SGCZ: variants seen among roughly 807,000 people sequenced by gnomAD.
SGCZ encodes the protein sarcoglycan zeta.
In SGCZ, 40 loss-of-function variants were observed where a neutral mutation model predicts 41.3. That is an observed-to-expected ratio of 0.97 (90% CI 0.75 to 1.26). The LOEUF (loss-of-function observed/expected upper bound fraction) is 1.26, where lower values mean the gene tolerates loss of function less well. Ranked by LOEUF, SGCZ falls within the 50% of genes most tolerant of loss-of-function variation. SGCZ has a pLI of 0.00. For missense variants in SGCZ, 552 were observed against 369.8 expected (o/e 1.49, Z -4.04); for synonymous variants, 206 against 137.5 (o/e 1.50, Z -3.49).
intron 3 of SGCZ, among the ~76,000 whole-genome samples, chr8:14,320,254 A>G (rs1199391463): frequency 2.6e-5 from 4 of 151,722 alleles, no homozygotes; most frequent in Non-Finnish European, 5.9e-5. Flanking sequence ...TGATAATACA[A>G]TGATTATGAA....
chr8:14,153,646 A>G (rs999935463), intron 5 of SGCZ, among the ~76,000 whole-genome samples: 1 of 152,160 alleles, frequency 6.6e-6, no homozygotes, highest in African/African-American at 2.4e-5. Flanking sequence ...TTTGGAATTC[A>G]GCTACTATAA....
intron 2 of SGCZ, among the ~76,000 whole-genome samples, chr8:14,444,978 G>C (rs116183155): frequency 6.6e-6 from 1 of 152,040 alleles, no homozygotes; most frequent in East Asian, 1.9e-4. Flanking sequence ...GGCCCAAGAC[G>C]CTTCACTGAC....
intron 2 of SGCZ, among the ~76,000 whole-genome samples, chr8:14,417,741 A>T (rs971693828): frequency 6.6e-6 from 1 of 151,878 alleles, no homozygotes; most frequent in Non-Finnish European, 1.5e-5. Context: ...TACACAAAAA[A>T]GGTAACTATG....
At chr8:14,546,441 C>T (rs940532086) in intron 2 of SGCZ, among the ~76,000 whole-genome samples, 4 of 152,178 alleles carry the variant, frequency 2.6e-5, no homozygotes, top group Non-Finnish European at 5.9e-5. Context: ...ACTGCAATCA[C>T]AGGGATAAAA....
chr8:14,171,937 A>G (rs1804395573), intron 4 of SGCZ, among the ~76,000 whole-genome samples: 1 of 152,142 alleles, frequency 6.6e-6, no homozygotes, highest in Non-Finnish European at 1.5e-5. Flanking sequence ...AATTTAAAAA[A>G]TCCTATTATA....
intron 1 of SGCZ, among the ~76,000 whole-genome samples, chr8:15,236,442 G>T (rs1022259407): frequency 6.6e-6 from 1 of 150,844 alleles, no homozygotes; most frequent in Admixed American, 6.6e-5. Context: ...CAGCGGGTGG[G>T]GGGGTGCCTA....
intron 1 of SGCZ, among the ~76,000 whole-genome samples, chr8:15,207,659 T>C (rs1801109247): frequency 6.6e-6 from 1 of 151,946 alleles, no homozygotes; most frequent in Admixed American, 6.6e-5. Flanking sequence ...AAAAAAAGGG[T>C]TGTTGAAAAA....
intron 1 of SGCZ, among the ~76,000 whole-genome samples, chr8:14,578,427 G>C (rs956378148): frequency 2.6e-5 from 4 of 152,148 alleles, no homozygotes; most frequent in African/African-American, 7.2e-5. Context: ...TGCTCCCTGG[G>C]TTTGGTTCAT....
chr8:14,125,190 C>T (rs965956377), intron 5 of SGCZ, among the ~76,000 whole-genome samples: 2 of 152,034 alleles, frequency 1.3e-5, no homozygotes, highest in African/African-American at 4.8e-5. Context: ...TAGTAAGAAT[C>T]ACTATTGTTG....
intron 2 of SGCZ, among the ~76,000 whole-genome samples, chr8:14,346,315 T>C (rs960374587): frequency 2.0e-5 from 3 of 152,086 alleles, no homozygotes; most frequent in African/African-American, 7.2e-5. Context: ...TTTTAATATC[T>C]TTGAGATAAA....
intron 1 of SGCZ, among the ~76,000 whole-genome samples, chr8:14,754,338 C>A (rs567108253): frequency 1.3e-5 from 2 of 152,298 alleles, no homozygotes; most frequent in Non-Finnish European, 2.9e-5. Context: ...ATCATCATGC[C>A]TGATCCCTTC....
chr8:14,318,972 CA>C (rs760439693), intron 3 of SGCZ, among the ~76,000 whole-genome samples: 10 of 150,672 alleles, frequency 6.6e-5, no homozygotes, highest in Admixed American at 2.0e-4. Context: ...AGCGTAAGGG[CA>C]AAACTTATTT....
chr8:14,635,936 T>C (rs559261752), intron 1 of SGCZ, among the ~76,000 whole-genome samples: 1 of 151,952 alleles, frequency 6.6e-6, no homozygotes, highest in South Asian at 2.1e-4. Flanking sequence ...ATGCTGTGAG[T>C]TAATATAGTA....
intron 3 of SGCZ, among the ~76,000 whole-genome samples, chr8:14,243,104 C>A (rs1170619511): frequency 1.3e-5 from 2 of 152,204 alleles, no homozygotes. Context: ...AAACTGTCAT[C>A]TGCCTACACA....
At position 14,700,387 on chromosome 8, in the gene SGCZ, A is replaced by G. The variant is rs546667765; in HGVS notation, c.40-145461T>C. ...GAAAATAAAATACCACATGTTATCT[A>G]TTATAAATGGGAGCTAAACATTGAG... On this transcript the variant is annotated intron_variant, in intron 1 of 7. Coordinates refer to ENST00000382080, the MANE Select transcript of SGCZ (RefSeq NM_139167.4). 2.2e-3 allele frequency among the ~76,000 whole-genome samples: 335 copies of G among 152,128 alleles called. 3 individuals are homozygous for G. Among genetic ancestry groups the G allele is most frequent in the Non-Finnish European group, 3.2e-3 (220 of 67,948 alleles).
chr8:14,410,365 A>C (rs2117274254), intron 2 of SGCZ, among the ~76,000 whole-genome samples: 1 of 151,276 alleles, frequency 6.6e-6, no homozygotes, highest in East Asian at 1.9e-4. Context: ...AAAACTCCAA[A>C]AGGTAAAAGT....
At chr8:14,306,829 A>G (rs541428686) in intron 3 of SGCZ, among the ~76,000 whole-genome samples, 1 of 152,370 alleles carries the variant, frequency 6.6e-6, no homozygotes, top group African/African-American at 2.4e-5. Flanking sequence ...GAATGGATGC[A>G]AAAGTAAAAG....
At chr8:14,370,486 T>C (rs979775291) in intron 2 of SGCZ, among the ~76,000 whole-genome samples, 9 of 151,966 alleles carry the variant, frequency 5.9e-5, no homozygotes, top group Non-Finnish European at 1.3e-4. Context: ...ACTCTAAATA[T>C]GAAAAGTGTG....
At chr8:14,831,752 G>A (rs1802536260) in intron 1 of SGCZ, among the ~76,000 whole-genome samples, 1 of 101,622 alleles carries the variant, frequency 9.8e-6, no homozygotes, top group African/African-American at 3.7e-5. Flanking sequence ...AGGAAGATCT[G>A]TATAAACATA....
Sources: allele counts gnomAD v4.1 joint callset (sites outside exome capture counted in the v4.1 genomes callset), GRCh38; gene constraint gnomAD v4.1.1; transcripts MANE v1.5; gene names NCBI Gene and HGNC (gene_info 2026-07-23, HGNC 2026-07-21).